CCDC42: variants seen among roughly 807,000 people sequenced by gnomAD.
The protein encoded by CCDC42 is coiled-coil domain containing 42.
Under a neutral mutation model 40.8 loss-of-function variants are expected in CCDC42, and 38 were observed. The ratio of observed to expected loss-of-function variants is 0.93; its 90% CI spans 0.72 to 1.22. The LOEUF is 1.22. CCDC42 is among the 50% of genes most tolerant of loss of function. The pLI is 0.00. For missense variants in CCDC42, 379 were observed against 416.5 expected, an observed-to-expected ratio of 0.91 and a Z score of 0.78; for synonymous variants, 135 against 157.5, an observed-to-expected ratio of 0.86 and a Z score of 1.07.
chr17:8,733,021 T>C (rs2086590224), intron 6 of CCDC42, among the ~76,000 whole-genome samples: 2 of 152,130 alleles, frequency 1.3e-5, no homozygotes, highest in Non-Finnish European at 2.9e-5. Flanking sequence ...ATTCATACAG[T>C]GTCAATGAAG....
rs924690627 is a variant in CCDC42 at position 8,730,001 on chromosome 17, A to G, written c.*129T>C. ...GATAGAGTGAGGCCCACGGGGGAAA[A>G]TAAGCAGGTGTCCCTCAGCAGGAAG... On this transcript the variant is annotated 3_prime_UTR_variant, in exon 7 of 7. Coordinates refer to ENST00000293845, the MANE Select transcript of CCDC42 (RefSeq NM_144681.3). 3 of 760,656 alleles carry G rather than the reference A, an allele frequency of 3.9e-6. No individual in the cohort carries two copies. The highest frequency in any genetic ancestry group is 6.9e-6 in the Non-Finnish European group (3 of 437,442). The allele number at this position is 760,656 out of a possible 1,614,324, so 47.1% of individuals were successfully genotyped here.
intron 6 of CCDC42, among the ~76,000 whole-genome samples, chr17:8,732,779 A>G (rs2086589019): frequency 6.6e-6 from 1 of 152,236 alleles, no homozygotes; most frequent in African/African-American, 2.4e-5. Context: ...CCCCCTAGGA[A>G]ACAATAGCTC....
chr17:8,743,520 T>C (rs1050483603), intron 3 of CCDC42, 106 bp downstream of exon 3: 3 of 749,724 alleles, frequency 4.0e-6, no homozygotes, highest in African/African-American at 3.4e-5. Flanking sequence ...AGGATGCTTT[T>C]TAACTCAGGG....
Position 8,735,405 on chromosome 17 carries a change from G to A in CCDC42, c.699C>T (p.Ser233=), listed in dbSNP as rs763748335. 3 of 1,613,914 alleles carry A rather than the reference G, an allele frequency of 1.9e-6. No individual in the cohort carries two copies. The highest frequency in any genetic ancestry group is 8.5e-7 in the Non-Finnish European group (1 of 1,180,022). Residue 233 remains serine (S), a synonymous_variant, in exon 5 of 7, where the codon AGC becomes AGT. Transcript: ENST00000293845. This position sits in a 1 kb window ranked among gnomAD's most constrained non-coding sequence, Gnocchi z 4.7. ...RLQMRFDRAR[S]NVIFWESRWA... ...GGCCCCTCACCCAGAAGATGACATT[G>A]CTGCGGGCACGGTCAAAGCGCATCT... is the stretch of plus-strand genomic sequence containing the variant.
chr17:8,730,644 C>T (rs1335038778), intron 6 of CCDC42, among the ~76,000 whole-genome samples: 1 of 152,168 alleles, frequency 6.6e-6, no homozygotes, highest in East Asian at 1.9e-4. Context: ...CCAACCATGA[C>T]TGACTTCTTG....
chr17:8,742,362 C>T (rs2086650633), intron 3 of CCDC42, among the ~76,000 whole-genome samples: 1 of 152,136 alleles, frequency 6.6e-6, no homozygotes, highest in Admixed American at 6.5e-5. Context: ...GGGGGTAAGG[C>T]CACTGGGAGA....
Position 8,735,717 on chromosome 17 carries a change from G to T in CCDC42, c.493-106C>A. Reference sequence around the variant, plus strand: ...GGATGCCTGGACACCTGGACACCTGGGCAGGCAGGCCCTTGGCCAGGGTCA... The same window carrying T: ...GGATGCCTGGACACCTGGACACCTGTGCAGGCAGGCCCTTGGCCAGGGTCA... On this transcript the variant is annotated intron_variant, in intron 4 of 6. Transcript: ENST00000293845. This position sits in a 1 kb window ranked among gnomAD's most constrained non-coding sequence, Gnocchi z 4.7. The T allele has an allele frequency of 1.1e-6, 1 of 914,600 alleles. No homozygotes were observed. The highest frequency in any genetic ancestry group is 1.6e-6 in the Non-Finnish European group (1 of 611,624). The allele number at this position is 914,600 out of a possible 1,614,324, so 56.7% of individuals were successfully genotyped here. A position where few individuals can be genotyped will look rare whatever the true frequency, so the allele number is the denominator to read the frequency against.
At chr17:8,731,178 C>A (rs1263195216) in intron 6 of CCDC42, among the ~76,000 whole-genome samples, 1 of 152,108 alleles carries the variant, frequency 6.6e-6, no homozygotes, top group Non-Finnish European at 1.5e-5. Context: ...TCTAAGATAT[C>A]AGTTCTAATG....
Position 8,729,952 on chromosome 17 carries a change from C to A in CCDC42, c.*178G>T. 1.7e-6 allele frequency: 1 copy of A among 603,156 alleles called. No individual in the cohort carries two copies. Among genetic ancestry groups the A allele is most frequent in the South Asian group, 1.9e-5 (1 of 53,882 alleles). 37.4% of individuals were successfully genotyped at this position (603,156 alleles called of 1,614,324 possible). On this transcript the variant is annotated 3_prime_UTR_variant, in exon 7 of 7. Coordinates refer to ENST00000293845, the MANE Select transcript of CCDC42 (RefSeq NM_144681.3). ...CTAGAGAGAACTTGAGAACAAACTT[C>A]ATATAACATTCACTGTTTTCAGGGA...
At chr17:8,740,599 A>G (rs59199711) in intron 4 of CCDC42, among the ~76,000 whole-genome samples, 56,732 of 151,514 alleles carry the variant, frequency 0.37, 11,057 homozygotes, top group Non-Finnish European at 0.44. Context: ...TGAGAAGGAG[A>G]GGTCAGAGGT....
intron 6 of CCDC42, among the ~76,000 whole-genome samples, chr17:8,732,728 T>G (rs1430415839): frequency 6.6e-6 from 1 of 152,184 alleles, no homozygotes; most frequent in Admixed American, 6.5e-5. Flanking sequence ...TTCGTTTAAT[T>G]TAGAGTTTCT....
chr17:8,736,922 A>G (rs190596681), intron 4 of CCDC42, among the ~76,000 whole-genome samples: 3 of 150,782 alleles, frequency 2.0e-5, no homozygotes, highest in Middle Eastern at 3.4e-3. Context: ...AGAAAGGAAG[A>G]AGAAAGCAGA....
chr17:8,736,784 G>C (rs1318019962), intron 4 of CCDC42, among the ~76,000 whole-genome samples: 2 of 152,144 alleles, frequency 1.3e-5, no homozygotes, highest in Non-Finnish European at 2.9e-5. Flanking sequence ...AGCAGGTGTA[G>C]GGAGGTGAGG....
At chr17:8,731,898 C>T (rs1316357203) in intron 6 of CCDC42, among the ~76,000 whole-genome samples, 1 of 152,186 alleles carries the variant, frequency 6.6e-6, no homozygotes, top group Non-Finnish European at 1.5e-5. Flanking sequence ...GACGCGGTAG[C>T]TCACGCCTGT....
chr17:8,739,900 C>CT (rs1290193031), intron 4 of CCDC42, among the ~76,000 whole-genome samples: 1 of 152,066 alleles, frequency 6.6e-6, no homozygotes, highest in African/African-American at 2.4e-5. Flanking sequence ...TTCCTGCCCC[C>CT]CCAACAAACC....
intron 4 of CCDC42, among the ~76,000 whole-genome samples, chr17:8,740,273 G>A (rs751217905): frequency 6.6e-5 from 10 of 151,978 alleles, no homozygotes; most frequent in Non-Finnish European, 8.8e-5. Flanking sequence ...GGCGGATCAC[G>A]AGGTCAGGAG....
chr17:8,738,953 A>G (rs1313824789), intron 4 of CCDC42, among the ~76,000 whole-genome samples: 1 of 152,212 alleles, frequency 6.6e-6, no homozygotes, highest in Non-Finnish European at 1.5e-5. Flanking sequence ...CTGGATTTCA[A>G]TTATCGGTAG....
At position 8,744,074 on chromosome 17, in the gene CCDC42, C is replaced by G. The variant is rs200467271; in HGVS notation, c.189+5G>C. 9.9e-5 allele frequency: 160 copies of G among 1,608,304 alleles called. 1 individual carries two copies. Among genetic ancestry groups the G allele is most frequent in the Non-Finnish European group, 1.3e-4 (148 of 1,176,174 alleles). ...CCCCTCTGCACTCCATCCCTGAGTC[C>G]CCACCTTCTTCTTCTGCACCATAGT... On this transcript the variant is annotated splice_donor_5th_base_variant and intron_variant, in intron 2 of 6. Coordinates refer to ENST00000293845, the MANE Select transcript of CCDC42 (RefSeq NM_144681.3).
rs755444857 is a variant in CCDC42 at position 8,744,652 on chromosome 17, T to C, written c.-43A>G. The C allele has an allele frequency of 3.4e-6, 5 of 1,470,784 alleles. No individual in the cohort carries two copies. The East Asian group carries it at 6.8e-5, about 20-fold the overall frequency. 91.1% of individuals were successfully genotyped at this position (1,470,784 alleles called of 1,614,324 possible). Reference sequence around the variant, plus strand: ...GGCCCAGGCAGCTGACTCTTCACAGTGAAATTGTGGGTAGCAGAGCCACAG... The same window carrying C: ...GGCCCAGGCAGCTGACTCTTCACAGCGAAATTGTGGGTAGCAGAGCCACAG... On this transcript the variant is annotated 5_prime_UTR_variant, in exon 1 of 7. Transcript: ENST00000293845.
Sources: allele counts gnomAD v4.1 joint callset (sites outside exome capture counted in the v4.1 genomes callset), GRCh38; gene constraint gnomAD v4.1.1; non-coding constraint Gnocchi (gnomAD v3.1); transcripts MANE v1.5; gene names NCBI Gene and HGNC (gene_info 2026-07-23, HGNC 2026-07-21).